ABCA1: variants seen among roughly 807,000 people sequenced by gnomAD.
The protein encoded by ABCA1 is ATP binding cassette subfamily A member 1.
In ABCA1, 133 loss-of-function variants were observed where a neutral mutation model predicts 262.5. The ratio of observed to expected loss-of-function variants is 0.51; its 90% CI spans 0.44 to 0.59. The LOEUF (loss-of-function observed/expected upper bound fraction) is 0.59. ABCA1 is among the 20% of genes least tolerant of loss of function. The probability of loss-of-function intolerance (pLI) is 0.00; values close to 1 mark genes in which losing one functional copy is unlikely to be tolerated. For missense variants in ABCA1, 2,452 were observed against 2,777.5 expected (o/e 0.88, Z 2.63); for synonymous variants, 1,022 against 1,043.5 (o/e 0.98, Z 0.40).
intron 15 of ABCA1, among the ~76,000 whole-genome samples, chr9:104,827,393 C>T (rs1165659479): frequency 6.6e-6 from 1 of 152,200 alleles, no homozygotes; most frequent in East Asian, 1.9e-4. Flanking sequence ...GTTATGAATA[C>T]AACAGAGTCC....
chr9:104,819,912 A>G lies in ABCA1; in HGVS notation c.3103+15T>C, dbSNP rs956008561. 4.3e-6 allele frequency: 7 copies of G among 1,611,726 alleles called. No individual in the cohort carries two copies. The highest frequency in any genetic ancestry group is 4.0e-5 in the African/African-American group (3 of 74,922). ...AGGAGGGGAGAGGGATAGGGAAGGT[A>G]GCTCTGGGCCGCACCTGACAGCTGG... On this transcript the variant is annotated intron_variant, in intron 21 of 49. Transcript: ENST00000374736.
chr9:104,858,143 T>C (rs1836007279), intron 7 of ABCA1, among the ~76,000 whole-genome samples: 1 of 152,206 alleles, frequency 6.6e-6, no homozygotes, highest in Non-Finnish European at 1.5e-5. Flanking sequence ...TAAACATAAA[T>C]AGATATCCAT....
chr9:104,851,736 G>C (rs1564180499), intron 7 of ABCA1, among the ~76,000 whole-genome samples: 1 of 152,238 alleles, frequency 6.6e-6, no homozygotes, highest in African/African-American at 2.4e-5. Context: ...GAATGAAACA[G>C]AGAGGGCTGG....
chr9:104,829,061 T>C lies in ABCA1; in HGVS notation c.1970A>G (p.Lys657Arg). The C allele has an allele frequency of 6.2e-7, 1 of 1,614,168 alleles. No homozygotes were observed. Among genetic ancestry groups the C allele is most frequent in the Non-Finnish European group, 8.5e-7 (1 of 1,180,038 alleles). ...AWIYSVAVII[K>R]GIVYEKEARL... ...TGCCTCCTTCTCATACACGATGCCCTTGATGATCACAGCCACTGAGTAAAT... is the reference window on the plus strand; with the variant it reads ...TGCCTCCTTCTCATACACGATGCCCCTGATGATCACAGCCACTGAGTAAAT... Residue 657 changes from lysine (K) to arginine (R), a missense_variant, in exon 15 of 50, where the codon AAG becomes AGG. By Grantham distance (26) the Lys-to-Arg change is conservative. Coordinates refer to ENST00000374736, the MANE Select transcript of ABCA1 (RefSeq NM_005502.4).
rs79343590 is a variant in ABCA1 at position 104,855,453 on chromosome 9, G to A, written c.720+3069C>T. On this transcript the variant is annotated intron_variant, in intron 7 of 49. Coordinates refer to ENST00000374736, the MANE Select transcript of ABCA1 (RefSeq NM_005502.4). ...TGGCCTCAAGTGATTCATCCGCCTCGGCCCCCACAATATGCTGGGATTACA... is the reference window on the plus strand; with the variant it reads ...TGGCCTCAAGTGATTCATCCGCCTCAGCCCCCACAATATGCTGGGATTACA... The A allele has an allele frequency of 4.6e-3, 1,603 of 351,068 alleles. 8 individuals carry two copies. The highest frequency in any genetic ancestry group is 6.5e-3 in the Middle Eastern group (7 of 1,074). The allele number at this position is 351,068 out of a possible 1,614,324, so 21.7% of individuals were successfully genotyped here.
At chr9:104,809,623 T>C in intron 29 of ABCA1, 59 bp from the exon 30 acceptor site, 1 of 1,431,434 alleles carries the variant, frequency 7.0e-7, no homozygotes, top group Non-Finnish European at 9.8e-7. Context: ...AATCGAGAGA[T>C]AAAAATGTTT....
chr9:104,852,037 T>A (rs1368893710), intron 7 of ABCA1, among the ~76,000 whole-genome samples: 1 of 152,256 alleles, frequency 6.6e-6, no homozygotes, highest in Non-Finnish European at 1.5e-5. Context: ...ATTGGAATAG[T>A]ATTTTCAACA....
chr9:104,924,474 G>A (rs1362584044), intron 1 of ABCA1, among the ~76,000 whole-genome samples: 2 of 152,004 alleles, frequency 1.3e-5, no homozygotes, highest in Middle Eastern at 3.2e-3. Flanking sequence ...GCCGGGTGTG[G>A]TGGCACGCAC....
intron 7 of ABCA1, chr9:104,855,933 T>A (rs1187060224): frequency 6.2e-7 from 1 of 1,612,842 alleles, no homozygotes; most frequent in Admixed American, 1.7e-5. Flanking sequence ...TCAAAATATG[T>A]CTCTCGTGAA....
chr9:104,871,534 G>C (rs72732698), intron 5 of ABCA1, among the ~76,000 whole-genome samples: 3,629 of 152,252 alleles, frequency 0.024, 52 homozygotes, highest in Non-Finnish European at 0.037. Context: ...GCCTGGCTTT[G>C]AAGCTCAGAA....
At chr9:104,814,877 C>G (rs1031159107) in intron 25 of ABCA1, among the ~76,000 whole-genome samples, 3 of 152,204 alleles carry the variant, frequency 2.0e-5, no homozygotes, top group African/African-American at 7.2e-5. Context: ...TGCTTGTAAT[C>G]TCAGCTACTT....
chr9:104,855,427 C>T (rs1835754619), intron 7 of ABCA1: 1 of 273,948 alleles, frequency 3.7e-6, no homozygotes, highest in South Asian at 8.0e-5. Context: ...TCTTGAACTC[C>T]TGGCCTCAAG....
At chr9:104,788,172 C>T in intron 45 of ABCA1, 118 bp from the exon 46 acceptor site, 2 of 1,281,634 alleles carry the variant, frequency 1.6e-6, no homozygotes, top group Non-Finnish European at 2.3e-6. Flanking sequence ...TAATCATAAC[C>T]TGACAACTGG....
chr9:104,909,129 A>G (rs887912598), intron 1 of ABCA1, among the ~76,000 whole-genome samples: 2 of 152,246 alleles, frequency 1.3e-5, no homozygotes, highest in African/African-American at 4.8e-5. Context: ...GAAGAGGAAT[A>G]GTAGATAAAT....
intron 8 of ABCA1, 78 bp from the exon 9 acceptor site, chr9:104,840,597 G>GA: frequency 7.3e-7 from 1 of 1,364,488 alleles, no homozygotes. Context: ...GATGAGAAGA[G>GA]AAAGAAACAT....
Position 104,788,516 on chromosome 9 carries a change from C to A in ABCA1, c.5979G>T (p.Gln1993His). The stretch of plus-strand genomic sequence containing the variant: ...TCAACAGCTCTGTGATGGCATCAAA[C>A]TGAGGGCAGTAGCCCATGTTCTGAT... Reference protein sequence around the residue: ...EVHQNMGYCPQFDAITELLTG... With the variant: ...EVHQNMGYCPHFDAITELLTG... Residue 1993 changes from glutamine (Q) to histidine (H), a missense_variant, in exon 45 of 50, where the codon CAG becomes CAT. Coordinates refer to ENST00000374736, the MANE Select transcript of ABCA1 (RefSeq NM_005502.4). 1 of 1,614,196 alleles carries A rather than the reference C, an allele frequency of 6.2e-7. No homozygotes were observed. The highest frequency in any genetic ancestry group is 8.5e-7 in the Non-Finnish European group (1 of 1,180,036).
At chr9:104,794,637 T>C (rs1829734550) in intron 39 of ABCA1, 127 bp from the exon 40 acceptor site, 2 of 1,128,430 alleles carry the variant, frequency 1.8e-6, no homozygotes, top group African/African-American at 3.1e-5. Flanking sequence ...TTTGATTCTC[T>C]AGGGACAAAC....
At chr9:104,894,837 G>A (rs1394862482) in intron 2 of ABCA1, among the ~76,000 whole-genome samples, 1 of 152,208 alleles carries the variant, frequency 6.6e-6, no homozygotes, top group Non-Finnish European at 1.5e-5. Context: ...ACTCATGAGA[G>A]ACAAAATTTA....
chr9:104,868,904 G>A (rs1453824773), intron 5 of ABCA1, among the ~76,000 whole-genome samples: 1 of 152,114 alleles, frequency 6.6e-6, no homozygotes, highest in East Asian at 1.9e-4. Context: ...GTATGACGCG[G>A]GGTGGGGGCG....
Sources: allele counts gnomAD v4.1 joint callset (sites outside exome capture counted in the v4.1 genomes callset), GRCh38; gene constraint gnomAD v4.1.1; transcripts MANE v1.5; gene names NCBI Gene and HGNC (gene_info 2026-07-23, HGNC 2026-07-21).